The following SORCS3 variants were observed in gnomAD, a reference collection of about 807,000 sequenced individuals.
The protein encoded by SORCS3 is VPS10 domain-containing receptor SorCS3.
Under a neutral mutation model 146.3 loss-of-function variants are expected in SORCS3, and 57 were observed. The observed-to-expected ratio is 0.39, with a 90% confidence interval of 0.31 to 0.49. The LOEUF is 0.49. Ranked by LOEUF, SORCS3 falls within the 20% of genes least tolerant of loss-of-function variation. The pLI is 0.92. For missense variants in SORCS3, 1,341 were observed against 1,575.5 expected (o/e 0.85, Z 2.52); for synonymous variants, 653 against 618.5 (o/e 1.06, Z -0.83).
At chr10:105,027,718 C>G (rs534770239) in intron 4 of SORCS3, among the ~76,000 whole-genome samples, 6 of 152,242 alleles carry the variant, frequency 3.9e-5, no homozygotes, top group Non-Finnish European at 7.4e-5. Context: ...CTTTGATGGT[C>G]TATTTTGTGC....
chr10:105,049,489 A>G (rs1160266110), intron 5 of SORCS3, among the ~76,000 whole-genome samples: 1 of 152,094 alleles, frequency 6.6e-6, no homozygotes, highest in African/African-American at 2.4e-5. Flanking sequence ...CATCCCAGAA[A>G]TTAAATGTAA....
In SORCS3 at chr10:104,862,763, T is replaced by A. The variant is rs986375561; in HGVS notation, c.695+19904T>A. ...CCCCTCATTCAGTTTTTTTACCTGT[T>A]ATCATAGTATTGTTTTTCATAAAGT... On this transcript the variant is annotated intron_variant, in intron 2 of 26. Transcript: ENST00000369701. 8.5e-5 allele frequency among the ~76,000 whole-genome samples: 13 copies of A among 152,208 alleles called. No individual in the cohort carries two copies. The East Asian group carries it at 2.5e-3, about 29-fold the overall frequency.
chr10:104,874,526 C>T (rs2018551152), intron 2 of SORCS3, among the ~76,000 whole-genome samples: 1 of 151,952 alleles, frequency 6.6e-6, no homozygotes, highest in African/African-American at 2.4e-5. Context: ...ACCAAAATTT[C>T]AGAATATCAA....
chr10:104,991,240 C>T (rs2054992032), intron 4 of SORCS3, among the ~76,000 whole-genome samples: 1 of 152,076 alleles, frequency 6.6e-6, no homozygotes, highest in Non-Finnish European at 1.5e-5. Flanking sequence ...GGTGCTATAG[C>T]AAAGTACCAC....
At chr10:105,111,750 T>C (rs1290560286) in intron 7 of SORCS3, among the ~76,000 whole-genome samples, 1 of 152,232 alleles carries the variant, frequency 6.6e-6, no homozygotes, top group Non-Finnish European at 1.5e-5. Flanking sequence ...GAGAGCTGTA[T>C]TAGTGCAAAG....
At chr10:104,839,507 T>G (rs2018112965) in intron 1 of SORCS3, among the ~76,000 whole-genome samples, 1 of 152,148 alleles carries the variant, frequency 6.6e-6, no homozygotes, top group Non-Finnish European at 1.5e-5. Context: ...TTAGATTGTT[T>G]AAAACAGAGG....
intron 3 of SORCS3, among the ~76,000 whole-genome samples, chr10:104,958,393 A>C (rs1158287922): frequency 6.6e-6 from 1 of 152,186 alleles, no homozygotes; most frequent in East Asian, 1.9e-4. Flanking sequence ...CGCTCCCCAG[A>C]ATTTGTAAAT....
intron 13 of SORCS3, among the ~76,000 whole-genome samples, chr10:105,176,758 G>A (rs1194160169): frequency 6.6e-6 from 1 of 152,028 alleles, no homozygotes; most frequent in Non-Finnish European, 1.5e-5. Flanking sequence ...AGGAGGCTGA[G>A]GCAGGAGAAT....
At chr10:105,049,269 A>T (rs185234095) in intron 5 of SORCS3, among the ~76,000 whole-genome samples, 3 of 152,110 alleles carry the variant, frequency 2.0e-5, no homozygotes, top group Non-Finnish European at 4.4e-5. Flanking sequence ...TCCTCTGTTC[A>T]TATCTGTCCT....
At chr10:105,143,749 A>C (rs1209907958) in intron 8 of SORCS3, among the ~76,000 whole-genome samples, 1 of 152,198 alleles carries the variant, frequency 6.6e-6, no homozygotes, top group East Asian at 1.9e-4. Flanking sequence ...GCTATAAAGG[A>C]AAAGAGGAGT....
intron 3 of SORCS3, among the ~76,000 whole-genome samples, chr10:104,927,244 T>A (rs888798633): frequency 5.9e-5 from 9 of 152,192 alleles, no homozygotes; most frequent in Non-Finnish European, 1.2e-4. Context: ...AACCAAGGAT[T>A]TAGGGAAGCT....
intron 11 of SORCS3, among the ~76,000 whole-genome samples, chr10:105,159,961 G>A (rs1338698712): frequency 2.0e-5 from 3 of 152,146 alleles, no homozygotes; most frequent in African/African-American, 7.2e-5. Flanking sequence ...TATTAAGCAA[G>A]CCCACTATGC....
intron 20 of SORCS3, among the ~76,000 whole-genome samples, chr10:105,235,291 A>G (rs1346304041): frequency 6.6e-6 from 1 of 152,056 alleles, no homozygotes; most frequent in Admixed American, 6.6e-5. Context: ...TGTATTTCAG[A>G]ATAATTATTT....
chr10:105,058,446 A>G (rs181089799), intron 5 of SORCS3, among the ~76,000 whole-genome samples: 2 of 152,354 alleles, frequency 1.3e-5, no homozygotes, highest in East Asian at 3.9e-4. Flanking sequence ...GAGTTGGGTT[A>G]TATGATTGTT....
chr10:104,983,966 C>T (rs371682461), intron 4 of SORCS3, among the ~76,000 whole-genome samples: 143 of 152,140 alleles, frequency 9.4e-4, no homozygotes, highest in Middle Eastern at 3.4e-3. Context: ...GATGAATTTT[C>T]ATTAACTGAA....
intron 16 of SORCS3, 67 bp downstream of exon 16, chr10:105,201,320 G>T (rs1589685862): frequency 4.5e-6 from 7 of 1,545,254 alleles, no homozygotes; most frequent in East Asian, 2.3e-5. Context: ...GTGGGGTGGG[G>T]TGAAGATGAA....
chr10:104,894,375 G>T (rs905566768), intron 2 of SORCS3, among the ~76,000 whole-genome samples: 2 of 152,224 alleles, frequency 1.3e-5, no homozygotes, highest in Non-Finnish European at 2.9e-5. Context: ...ATGGTGAGTG[G>T]AGACAGGGTG....
At chr10:105,231,090 G>T (rs546434984) in intron 20 of SORCS3, among the ~76,000 whole-genome samples, 3 of 152,174 alleles carry the variant, frequency 2.0e-5, no homozygotes, top group Non-Finnish European at 4.4e-5. Context: ...ACTCCTAGCC[G>T]ATCCTGGCCA....
At chr10:105,124,001 T>G (rs1300085105) in intron 7 of SORCS3, among the ~76,000 whole-genome samples, 1 of 152,222 alleles carries the variant, frequency 6.6e-6, no homozygotes, top group East Asian at 1.9e-4. Context: ...TCCCTAGATT[T>G]TGCTTTTGAG....
Sources: allele counts gnomAD v4.1 joint callset (sites outside exome capture counted in the v4.1 genomes callset), GRCh38; gene constraint gnomAD v4.1.1; transcripts MANE v1.5; gene names NCBI Gene and HGNC (gene_info 2026-07-23, HGNC 2026-07-21).